LDAH: variants seen among roughly 807,000 people sequenced by gnomAD.
The protein encoded by LDAH is lipid droplet associated hydrolase, also known as lipid droplet-associated hydrolase.
In LDAH, 26 loss-of-function variants were observed where a neutral mutation model predicts 29.6. The ratio of observed to expected loss-of-function variants is 0.88; its 90% CI spans 0.64 to 1.22. The LOEUF is 1.22. Among genes scored for constraint, LDAH ranks in the 50% most tolerant of loss-of-function variants. The pLI, the probability that LDAH is intolerant of heterozygous loss-of-function variation, is 0.00. For missense variants in LDAH, 344 were observed against 387.3 expected (o/e 0.89, Z 0.94); for synonymous variants, 117 against 133.0 (o/e 0.88, Z 0.83).
chr2:20,763,775 T>C (rs1013460175), intron 4 of LDAH, among the ~76,000 whole-genome samples: 3 of 152,360 alleles, frequency 2.0e-5, no homozygotes, highest in Non-Finnish European at 2.9e-5. Context: ...TACACAAATA[T>C]TAAAATGGCT....
chr2:20,816,126 G>A (rs1672834909), intron 1 of LDAH, among the ~76,000 whole-genome samples: 2 of 151,980 alleles, frequency 1.3e-5, no homozygotes, highest in African/African-American at 2.4e-5. Flanking sequence ...GGTTAACTAA[G>A]CCAGATACTC....
intron 1 of LDAH, among the ~76,000 whole-genome samples, chr2:20,803,694 C>T (rs183334897): frequency 9.9e-5 from 15 of 152,226 alleles, no homozygotes; most frequent in African/African-American, 2.9e-4. Context: ...GCTCAGACAA[C>T]GCAGCAAATT....
chr2:20,693,604 C>T (rs1253895076), intron 6 of LDAH, among the ~76,000 whole-genome samples: 1 of 152,186 alleles, frequency 6.6e-6, no homozygotes, highest in East Asian at 1.9e-4. Context: ...TCTATACTTC[C>T]ACTTTTATAA....
intron 5 of LDAH, among the ~76,000 whole-genome samples, chr2:20,716,205 G>A (rs1489744883): frequency 6.6e-6 from 1 of 152,122 alleles, no homozygotes; most frequent in Non-Finnish European, 1.5e-5. Flanking sequence ...AATACCATTT[G>A]ATCCAGCGAT....
intron 6 of LDAH, among the ~76,000 whole-genome samples, chr2:20,696,665 C>T (rs971577810): frequency 5.3e-5 from 8 of 152,106 alleles, no homozygotes; most frequent in African/African-American, 1.9e-4. Context: ...CATGAGTTCA[C>T]TTTTCAATGA....
chr2:20,812,694 T>C (rs1307070525), intron 1 of LDAH, among the ~76,000 whole-genome samples: 1 of 152,164 alleles, frequency 6.6e-6, no homozygotes, highest in African/African-American at 2.4e-5. Context: ...AAACAGGCAT[T>C]AACTAAGACA....
chr2:20,736,395 T>C (rs542786790), intron 5 of LDAH, among the ~76,000 whole-genome samples: 26 of 151,956 alleles, frequency 1.7e-4, no homozygotes, highest in Non-Finnish European at 3.7e-4. Context: ...TGAGCTGAGA[T>C]TGAGCCACTG....
Position 20,687,057 on chromosome 2 carries a change from G to A in LDAH, c.824C>T (p.Pro275Leu). 1 of 1,613,418 alleles carries A rather than the reference G, an allele frequency of 6.2e-7. No individual in the cohort carries two copies. The highest frequency in any genetic ancestry group is 8.5e-7 in the Non-Finnish European group (1 of 1,179,672). ...FYYGTIDPWC[P>L]KEYYEDIKKD... The stretch of plus-strand genomic sequence containing the variant: ...CTTAATGTCTTCATAGTACTCTTTT[G>A]GACACCAAGGATCTATAGTACCATA... Residue 275 changes from proline (P) to leucine (L), a missense_variant, in exon 7 of 7, where the codon CCA becomes CTA. Physicochemically the swap from Pro to Leu is moderately conservative, Grantham distance 98. Coordinates refer to ENST00000237822, the MANE Select transcript of LDAH (RefSeq NM_021925.4).
chr2:20,813,812 G>A (rs1042701514), intron 1 of LDAH, among the ~76,000 whole-genome samples: 2 of 152,142 alleles, frequency 1.3e-5, no homozygotes, highest in African/African-American at 4.8e-5. Context: ...CTGACTACAA[G>A]TGTGTTTAAG....
chr2:20,757,892 C>A (rs545696431), intron 4 of LDAH, among the ~76,000 whole-genome samples: 1 of 152,204 alleles, frequency 6.6e-6, no homozygotes, highest in Admixed American at 6.5e-5. Flanking sequence ...GAAATTCTGG[C>A]TCTCAGACCT....
chr2:20,795,229 A>C (rs768842131), intron 2 of LDAH, among the ~76,000 whole-genome samples: 3 of 152,210 alleles, frequency 2.0e-5, no homozygotes, highest in Non-Finnish European at 4.4e-5. Context: ...CTAGGCCCTG[A>C]CTGCTAATAA....
intron 3 of LDAH, among the ~76,000 whole-genome samples, chr2:20,784,115 G>A (rs2125051224): frequency 6.6e-6 from 1 of 152,288 alleles, no homozygotes; most frequent in Non-Finnish European, 1.5e-5. Context: ...CATTTAAAGT[G>A]ATTACTGAGG....
rs375253139 is a variant in LDAH at position 20,707,512 on chromosome 2, T to C, written c.704-5860A>G. 2.0e-4 allele frequency among the ~76,000 whole-genome samples: 30 copies of C among 152,230 alleles called. No homozygotes were observed. The East Asian group carries it at 5.2e-3, about 26-fold the overall frequency. ...TAATCAAGGAGATAGAGGTGATAGTTTGGGGAGGCTACCGCAGTGGTTTTT... is the reference window on the plus strand; with the variant it reads ...TAATCAAGGAGATAGAGGTGATAGTCTGGGGAGGCTACCGCAGTGGTTTTT... On this transcript the variant is annotated intron_variant, in intron 5 of 6. Transcript: ENST00000237822.
intron 4 of LDAH, among the ~76,000 whole-genome samples, chr2:20,759,725 T>A (rs1473020530): frequency 6.6e-6 from 1 of 152,200 alleles, no homozygotes; most frequent in Non-Finnish European, 1.5e-5. Flanking sequence ...CCCCTCCCTG[T>A]TATGTCTTCT....
chr2:20,722,029 C>G lies in LDAH; in HGVS notation c.703+17942G>C, dbSNP rs149064005. 2.0e-4 allele frequency among the ~76,000 whole-genome samples: 30 copies of G among 152,158 alleles called. No homozygotes were observed. In the East Asian group the frequency reaches 5.6e-3, roughly 28 times the overall value. ...GGAGGTTATTATGTTAAGTGAAAAC[C>G]AGGCACAGAAAGACAAATATTGCAT... On this transcript the variant is annotated intron_variant, in intron 5 of 6. Transcript: ENST00000237822.
intron 5 of LDAH, among the ~76,000 whole-genome samples, chr2:20,719,804 A>G (rs1036188988): frequency 6.6e-6 from 1 of 152,156 alleles, no homozygotes; most frequent in African/African-American, 2.4e-5. Flanking sequence ...GGAGGCAAGG[A>G]TGGTTCAGCA....
At chr2:20,779,570 A>G (rs536784899) in intron 3 of LDAH, among the ~76,000 whole-genome samples, 1 of 152,248 alleles carries the variant, frequency 6.6e-6, no homozygotes, top group East Asian at 1.9e-4. Flanking sequence ...AAATATATAT[A>G]ACTACAAACA....
chr2:20,740,981 G>A (rs1033264850), intron 4 of LDAH, among the ~76,000 whole-genome samples: 1 of 152,098 alleles, frequency 6.6e-6, no homozygotes, highest in African/African-American at 2.4e-5. Context: ...CAGGTGTGGC[G>A]TTATCTCACT....
At chr2:20,803,568 T>G (rs1236540779) in intron 1 of LDAH, among the ~76,000 whole-genome samples, 2 of 152,288 alleles carry the variant, frequency 1.3e-5, no homozygotes, top group East Asian at 3.9e-4. Context: ...CAACCTCAAC[T>G]CACTTGCACC....
Sources: gnomAD v4.1 joint callset for allele counts (sites outside exome capture counted in the v4.1 genomes callset) on GRCh38, gnomAD v4.1.1 for gene constraint, MANE v1.5 for transcripts, NCBI Gene and HGNC (gene_info 2026-07-23, HGNC 2026-07-21) for gene names.